The following QTGAL variants were observed in gnomAD, a reference collection of about 807,000 sequenced individuals.
QTGAL encodes the protein BGnT-like protein 1.
At chr17:82,942,598 T>C in the QTGAL span, 1 of 1,210,314 alleles carries the variant, frequency 8.3e-7, no homozygotes, top group Non-Finnish European at 1.2e-6. Context: ...AGGCTGGCAC[T>C]AGCTGACAGC....
chr17:83,006,545 T>C, the QTGAL span: 5 of 985,432 alleles, frequency 5.1e-6, no homozygotes, highest in Non-Finnish European at 6.0e-6. This position sits in a 1 kb window ranked among gnomAD's most constrained non-coding sequence, Gnocchi z 5.8. Context: ...CAGATCCAGA[T>C]GTCCCAGGGC....
the QTGAL span, among the ~76,000 whole-genome samples, chr17:82,953,208 G>A: frequency 6.6e-6 from 1 of 152,044 alleles, no homozygotes; most frequent in East Asian, 1.9e-4. Context: ...GAAGGAGATA[G>A]AGACACAAAA....
the QTGAL span, among the ~76,000 whole-genome samples, chr17:82,990,861 CTCTG>C: frequency 1.3e-5 from 2 of 152,146 alleles, no homozygotes; most frequent in East Asian, 3.9e-4. Context: ...CTCTCTCTCC[CTCTG>C]TCTCTGCCAT....
chr17:82,986,689 C>T, the QTGAL span, among the ~76,000 whole-genome samples: 1 of 152,270 alleles, frequency 6.6e-6, no homozygotes, highest in Admixed American at 6.5e-5. Flanking sequence ...TAGTTGATGC[C>T]GTCATCATAA....
the QTGAL span, among the ~76,000 whole-genome samples, chr17:83,012,827 C>T: frequency 1.3e-5 from 2 of 152,030 alleles, no homozygotes; most frequent in South Asian, 4.1e-4. Flanking sequence ...CTGGAAAAAC[C>T]GTCTGTGATC....
chr17:82,992,699 C>G, the QTGAL span, among the ~76,000 whole-genome samples: 1 of 150,460 alleles, frequency 6.6e-6, no homozygotes, highest in Non-Finnish European at 1.5e-5. Flanking sequence ...GGTGTGTAAA[C>G]TACTCTTAAG....
At chr17:82,996,276 C>T in the QTGAL span, among the ~76,000 whole-genome samples, 2 of 152,134 alleles carry the variant, frequency 1.3e-5, no homozygotes, top group Non-Finnish European at 2.9e-5. Flanking sequence ...GTAATCCCAG[C>T]ACTTTGGGAG....
At chr17:82,985,098 CAG>C in the QTGAL span, among the ~76,000 whole-genome samples, 3 of 152,236 alleles carry the variant, frequency 2.0e-5, no homozygotes, top group Admixed American at 6.5e-5. Flanking sequence ...CTGTCTCAGA[CAG>C]GGGCGCTTTC....
At chr17:82,995,106 G>C in the QTGAL span, among the ~76,000 whole-genome samples, 1 of 152,092 alleles carries the variant, frequency 6.6e-6, no homozygotes, top group Non-Finnish European at 1.5e-5. Flanking sequence ...AAAACTGAAA[G>C]CCTTTCCTCT....
chr17:82,958,290 G>A, the QTGAL span, among the ~76,000 whole-genome samples: 34 of 152,166 alleles, frequency 2.2e-4, no homozygotes, highest in Non-Finnish European at 4.0e-4. Flanking sequence ...CCCAATGGCC[G>A]CGATGTAGCC....
the QTGAL span, among the ~76,000 whole-genome samples, chr17:82,954,538 A>C: frequency 4.6e-5 from 7 of 152,220 alleles, no homozygotes; most frequent in Non-Finnish European, 1.0e-4. Context: ...AGGAAGAATC[A>C]ATATCATGAA....
the QTGAL span, chr17:83,048,842 G>A: frequency 6.8e-7 from 1 of 1,474,228 alleles, no homozygotes; most frequent in Non-Finnish European, 9.5e-7. Flanking sequence ...CCCTTTCCAT[G>A]GCTCTAATTT....
At chr17:83,021,445 C>T in the QTGAL span, among the ~76,000 whole-genome samples, 2 of 96,784 alleles carry the variant, frequency 2.1e-5, no homozygotes, top group Non-Finnish European at 2.5e-5. Flanking sequence ...CCCAAAAATA[C>T]TTAAGAGATA....
At chr17:83,012,594 C>T in the QTGAL span, among the ~76,000 whole-genome samples, 20 of 152,200 alleles carry the variant, frequency 1.3e-4, no homozygotes. Context: ...TTCCAGTCCA[C>T]AGGACCACAC....
the QTGAL span, among the ~76,000 whole-genome samples, chr17:82,969,325 G>C: frequency 6.6e-6 from 1 of 151,810 alleles, no homozygotes; most frequent in African/African-American, 2.4e-5. Context: ...ACGCCTGGCT[G>C]ATTTTTGTAT....
At chr17:82,965,854 G>T in the QTGAL span, 1 of 1,177,638 alleles carries the variant, frequency 8.5e-7, no homozygotes, top group Non-Finnish European at 1.2e-6. Flanking sequence ...ATGAATCCGT[G>T]TCCCTTCTCC....
chr17:82,966,196 C>T, the QTGAL span, among the ~76,000 whole-genome samples: 5 of 150,946 alleles, frequency 3.3e-5, no homozygotes, highest in African/African-American at 7.3e-5. Context: ...GGACTATAGG[C>T]GCACACCACC....
At chr17:83,017,334 CTT>C in the QTGAL span, among the ~76,000 whole-genome samples, 5 of 152,078 alleles carry the variant, frequency 3.3e-5, no homozygotes, top group African/African-American at 1.2e-4. Flanking sequence ...AGCTAGAAGA[CTT>C]TTATGGCCAG....
chr17:82,998,427 G>C, the QTGAL span, among the ~76,000 whole-genome samples: 1 of 152,136 alleles, frequency 6.6e-6, no homozygotes, highest in African/African-American at 2.4e-5. Context: ...CTCACTGCAA[G>C]CTCTGCCTCC....
Sources: allele counts gnomAD v4.1 joint callset (sites outside exome capture counted in the v4.1 genomes callset), GRCh38; gene constraint gnomAD v4.1.1; non-coding constraint Gnocchi (gnomAD v3.1); transcripts MANE v1.5; gene names NCBI Gene and HGNC (gene_info 2026-07-23, HGNC 2026-07-21).